The following TMPRSS11B variants were observed in gnomAD, a reference collection of about 807,000 sequenced individuals.
TMPRSS11B encodes transmembrane serine protease 11B.
In TMPRSS11B, 53 loss-of-function variants were observed where a neutral mutation model predicts 44.7. That is an observed-to-expected ratio of 1.19 (90% CI 0.95 to 1.49). The LOEUF is 1.49. TMPRSS11B is among the 40% of genes most tolerant of loss of function. The pLI is 0.00. For missense variants in TMPRSS11B, 526 were observed against 494.8 expected (o/e 1.06, Z -0.60); for synonymous variants, 140 against 159.2 (o/e 0.88, Z 0.91).
intron 2 of TMPRSS11B, among the ~76,000 whole-genome samples, chr4:68,239,182 A>T (rs28537858): frequency 0.017 from 2,651 of 152,324 alleles, 70 homozygotes; most frequent in African/African-American, 0.06. Flanking sequence ...AAATGGGGTC[A>T]TAAGGTTGAG....
At chr4:68,234,836 T>G (rs1719619049) in intron 4 of TMPRSS11B, among the ~76,000 whole-genome samples, 1 of 152,180 alleles carries the variant, frequency 6.6e-6, no homozygotes, top group African/African-American at 2.4e-5. Flanking sequence ...GAAGAAAATA[T>G]AGACCACAAA....
At chr4:68,239,256 T>G (rs1278097903) in intron 2 of TMPRSS11B, among the ~76,000 whole-genome samples, 2 of 144,004 alleles carry the variant, frequency 1.4e-5, no homozygotes, top group Non-Finnish European at 1.5e-5. Flanking sequence ...TCTTGCGCGC[T>G]CTCTCTCGCG....
Position 68,229,285 on chromosome 4 carries a change from A to G in TMPRSS11B, c.918T>C (p.Val306=). The G allele has an allele frequency of 6.2e-7, 1 of 1,611,130 alleles. No homozygotes were observed. Among genetic ancestry groups the G allele is most frequent in the Non-Finnish European group, 8.5e-7 (1 of 1,178,314 alleles). Residue 306 remains valine, a synonymous_variant, in exon 8 of 10, where the codon GTT becomes GTC. Coordinates refer to ENST00000332644, the MANE Select transcript of TMPRSS11B (RefSeq NM_182502.3). Reference sequence around the variant, plus strand: ...TCATATAAAGTGTTCCCCAACCTGTAACTACAACATTGTCATTTTCTGAGA... The same window carrying G: ...TCATATAAAGTGTTCCCCAACCTGTGACTACAACATTGTCATTTTCTGAGA... ...MKLSENDNVV[V]TGWGTLYMNG...
At chr4:68,230,581 A>G (rs1173528445) in intron 7 of TMPRSS11B, among the ~76,000 whole-genome samples, 2 of 151,534 alleles carry the variant, frequency 1.3e-5, no homozygotes, top group Non-Finnish European at 1.5e-5. Flanking sequence ...AGGCAGGCGG[A>G]TCACTTAAGG....
rs1457178729 is a variant in TMPRSS11B at position 68,241,669 on chromosome 4, T to C, written c.124+20A>G. ...AAAGATTTATAGCAAGGATGAAAAC[T>C]GAAAATAATCAGTACTCACCAACTG... On this transcript the variant is annotated intron_variant, in intron 2 of 9. Transcript: ENST00000332644. 8 of 1,455,924 alleles carry C rather than the reference T, an allele frequency of 5.5e-6. No homozygotes were observed. Among genetic ancestry groups the C allele is most frequent in the African/African-American group, 1.4e-5 (1 of 71,430 alleles). 90.2% of individuals were successfully genotyped at this position (1,455,924 alleles called of 1,614,324 possible). A position where few individuals can be genotyped will look rare whatever the true frequency, so the allele number is the denominator to read the frequency against.
At chr4:68,239,308 T>C (rs913216414) in intron 2 of TMPRSS11B, among the ~76,000 whole-genome samples, 4 of 152,126 alleles carry the variant, frequency 2.6e-5, no homozygotes, top group African/African-American at 9.7e-5. Context: ...TCGCTCTCTC[T>C]CTCTTTCTCA....
chr4:68,240,223 A>T (rs1401663005), intron 2 of TMPRSS11B, among the ~76,000 whole-genome samples: 3 of 152,172 alleles, frequency 2.0e-5, no homozygotes, highest in Non-Finnish European at 1.5e-5. Flanking sequence ...AGCTTAAGTT[A>T]TTCTCAATAT....
Position 68,228,090 on chromosome 4 carries a change from A to G in TMPRSS11B, c.1090-18T>C. 1 of 1,583,032 alleles carries G rather than the reference A, an allele frequency of 6.3e-7. No individual in the cohort carries two copies. Among genetic ancestry groups the G allele is most frequent in the African/African-American group, 1.4e-5 (1 of 73,170 alleles). ...GAATCATTCTAGAAGAAGAAAAGAA[A>G]AAAATGTTTCTTGTCTTAACAAAAA... On this transcript the variant is annotated intron_variant, in intron 9 of 9. Transcript: ENST00000332644.
chr4:68,245,293 AT>A (rs1399039207), intron 1 of TMPRSS11B, among the ~76,000 whole-genome samples: 1 of 152,158 alleles, frequency 6.6e-6, no homozygotes, highest in Non-Finnish European at 1.5e-5. Context: ...TTTCCTTAAG[AT>A]TTCAGGTCAA....
intron 1 of TMPRSS11B, among the ~76,000 whole-genome samples, chr4:68,244,808 A>T (rs1031747398): frequency 1.3e-5 from 2 of 152,238 alleles, no homozygotes; most frequent in African/African-American, 4.8e-5. Flanking sequence ...CATGTATTAG[A>T]ACTTCATTTA....
chr4:68,230,003 A>G (rs1227621542), intron 7 of TMPRSS11B, among the ~76,000 whole-genome samples: 1 of 152,194 alleles, frequency 6.6e-6, no homozygotes, highest in African/African-American at 2.4e-5. Context: ...ATAAGCAAGA[A>G]GATGTGGTAT....
At chr4:68,237,273 T>G (rs1470448880) in intron 2 of TMPRSS11B, among the ~76,000 whole-genome samples, 1 of 152,126 alleles carries the variant, frequency 6.6e-6, no homozygotes, top group Non-Finnish European at 1.5e-5. Context: ...ATGAACTCAT[T>G]CTTTTTATGG....
rs1346891338 is a variant in TMPRSS11B at position 68,242,252 on chromosome 4, ATTATAATAT to A, written c.9-457_9-449del. On this transcript the variant is annotated intron_variant, in intron 1 of 9. Coordinates refer to ENST00000332644, the MANE Select transcript of TMPRSS11B (RefSeq NM_182502.3). The stretch of plus-strand genomic sequence containing the variant: ...ATATTATATATATTATATTATATAT[ATTATAATAT>A]ATATAATATAATATTATATATATTA... Among the ~76,000 whole-genome samples the A allele has an allele frequency of 9.2e-5, 7 of 76,154 alleles. 1 individual carries two copies. The highest frequency in any genetic ancestry group is 4.5e-4 in the Admixed American group (2 of 4,442). The allele number at this position is 76,154 out of a possible 152,430, so 50.0% of individuals were successfully genotyped here. A position where few individuals can be genotyped will look rare whatever the true frequency, so the allele number is the denominator to read the frequency against.
intron 4 of TMPRSS11B, 139 bp from the exon 5 acceptor site, chr4:68,234,762 T>C (rs1719616715): frequency 1.2e-6 from 1 of 850,838 alleles, no homozygotes; most frequent in South Asian, 2.0e-5. Flanking sequence ...TATCTAAGCA[T>C]GTATAAAATT....
intron 1 of TMPRSS11B, among the ~76,000 whole-genome samples, chr4:68,245,040 G>GA (rs1719961462): frequency 1.3e-5 from 2 of 152,096 alleles, no homozygotes; most frequent in South Asian, 4.1e-4. Flanking sequence ...TTGAACAAAA[G>GA]AGAGTCTACA....
rs764667056 is a variant in TMPRSS11B at position 68,229,369 on chromosome 4, T to C, written c.834A>G (p.Glu278=). The C allele has an allele frequency of 5.0e-6, 8 of 1,614,102 alleles. No individual in the cohort carries two copies. The highest frequency in any genetic ancestry group is 1.7e-6 in the Non-Finnish European group (2 of 1,179,996). ...HDDIALVQLA[E]EVSFTEYIRK... ...GAATGTACTCTGTAAAAGAAACTTC[T>C]TCAGCAAGCTGCACAAGGGCAATAT... The change falls in exon 8 of 10, where the codon GAA becomes GAG. Residue 278 remains glutamate (E), a synonymous_variant. Coordinates refer to ENST00000332644, the MANE Select transcript of TMPRSS11B (RefSeq NM_182502.3).
Position 68,227,907 on chromosome 4 carries a change from T to C in TMPRSS11B, c.*4A>G, listed in dbSNP as rs900886075. On this transcript the variant is annotated 3_prime_UTR_variant, in exon 10 of 10. Transcript: ENST00000332644. ...TTATGTTCCTTTGTATAATTCCTTTTTTTTCAGAGTCCAGTCTTGGATGTA... is the reference window on the plus strand; with the variant it reads ...TTATGTTCCTTTGTATAATTCCTTTCTTTTCAGAGTCCAGTCTTGGATGTA... 10 of 1,599,078 alleles carry C rather than the reference T, an allele frequency of 6.3e-6. No homozygotes were observed. Among genetic ancestry groups the C allele is most frequent in the Non-Finnish European group, 6.0e-6 (7 of 1,174,792 alleles).
chr4:68,234,371 A>G, intron 5 of TMPRSS11B, 92 bp downstream of exon 5: 1 of 1,392,382 alleles, frequency 7.2e-7, no homozygotes, highest in East Asian at 2.4e-5. Context: ...TTCCCGAATT[A>G]CTAAAACTCT....
At chr4:68,241,905 G>C in intron 1 of TMPRSS11B, 101 bp from the exon 2 acceptor site, 1 of 708,198 alleles carries the variant, frequency 1.4e-6, no homozygotes, top group Non-Finnish European at 2.6e-6. Flanking sequence ...TTATACATTA[G>C]TCCTTTATGC....
Sources: allele counts gnomAD v4.1 joint callset (sites outside exome capture counted in the v4.1 genomes callset), GRCh38; gene constraint gnomAD v4.1.1; transcripts MANE v1.5; gene names NCBI Gene and HGNC (gene_info 2026-07-23, HGNC 2026-07-21).